TMEM135: variants seen among roughly 807,000 people sequenced by gnomAD.
The protein encoded by TMEM135 is peroxisomal membrane protein 52.
TMEM135 carries 30 observed loss-of-function variants against 60.3 expected under a neutral mutation model. The observed-to-expected ratio is 0.50, with a 90% CI of 0.37 to 0.68. The LOEUF (loss-of-function observed/expected upper bound fraction) is 0.68, where lower values mean the gene tolerates loss of function less well. TMEM135 is among the 30% of genes least tolerant of loss of function. The probability of loss-of-function intolerance (pLI) is 0.00; values close to 1 mark genes in which losing one functional copy is unlikely to be tolerated. For missense variants in TMEM135, 468 were observed against 548.8 expected, an observed-to-expected ratio of 0.85 and a Z score of 1.47; for synonymous variants, 190 against 186.7, an observed-to-expected ratio of 1.02 and a Z score of -0.14.
chr11:87,105,450 C>T (rs918167537), intron 4 of TMEM135, among the ~76,000 whole-genome samples: 5 of 152,070 alleles, frequency 3.3e-5, no homozygotes, highest in Admixed American at 1.3e-4. Flanking sequence ...GGACCCACCC[C>T]GCCCTGCATC....
At chr11:87,096,668 A>G (rs185631893) in intron 4 of TMEM135, 42 of 152,330 alleles carry the variant, frequency 2.8e-4, no homozygotes, top group Middle Eastern at 6.8e-3. Context: ...CCATTGGGAA[A>G]AAACCCTACA....
chr11:87,172,846 AG>A (rs1422636244), intron 5 of TMEM135, among the ~76,000 whole-genome samples: 1 of 151,932 alleles, frequency 6.6e-6, no homozygotes, highest in Admixed American at 6.6e-5. Context: ...TTTTTCATGA[AG>A]AATATTCGTG....
chr11:87,096,764 T>C (rs916251849), intron 4 of TMEM135, among the ~76,000 whole-genome samples: 1 of 152,220 alleles, frequency 6.6e-6, no homozygotes, highest in Non-Finnish European at 1.5e-5. Flanking sequence ...TAGGCTTTGA[T>C]AAGAGTCAGA....
chr11:87,162,520 C>T (rs935157786), intron 5 of TMEM135, among the ~76,000 whole-genome samples: 5 of 151,000 alleles, frequency 3.3e-5, no homozygotes, highest in Non-Finnish European at 7.4e-5. Context: ...TGGTTTCCAG[C>T]TTCATCTGTG....
At position 87,324,759 on chromosome 11, in the gene TMEM135, G is replaced by A; in HGVS notation, c.*3426G>A. ...TTTTTATTTGTATGAGTATTAAGTAGTTTGACACAGCAACAAAGTTGTCCT... is the reference window on the plus strand; with the variant it reads ...TTTTTATTTGTATGAGTATTAAGTAATTTGACACAGCAACAAAGTTGTCCT... On this transcript the variant is annotated 3_prime_UTR_variant, in exon 15 of 15. Transcript: ENST00000305494. 2.2e-6 allele frequency: 1 copy of A among 453,858 alleles called. No individual in the cohort carries two copies. Among genetic ancestry groups the A allele is most frequent in the Non-Finnish European group, 4.4e-6 (1 of 226,752 alleles). 28.1% of individuals were successfully genotyped at this position (453,858 alleles called of 1,614,324 possible).
intron 7 of TMEM135, among the ~76,000 whole-genome samples, chr11:87,299,758 C>T (rs576363331): frequency 6.6e-6 from 1 of 152,158 alleles, no homozygotes. Flanking sequence ...TAGGTTATCT[C>T]AGGAATATAT....
intron 11 of TMEM135, 92 bp downstream of exon 11, chr11:87,313,580 A>G (rs1942678065): frequency 9.1e-7 from 1 of 1,103,278 alleles, no homozygotes; most frequent in South Asian, 1.3e-5. Flanking sequence ...AATTTCTATG[A>G]ATCTTCCTTT....
intron 5 of TMEM135, among the ~76,000 whole-genome samples, chr11:87,232,402 T>C (rs1161585724): frequency 6.6e-6 from 1 of 152,108 alleles, no homozygotes; most frequent in Admixed American, 6.6e-5. Flanking sequence ...TCAAATTTAA[T>C]AGAAACTGTA....
intron 5 of TMEM135, among the ~76,000 whole-genome samples, chr11:87,159,597 A>G (rs76657713): frequency 1.4e-5 from 2 of 141,510 alleles, no homozygotes; most frequent in Non-Finnish European, 3.0e-5. Context: ...ACACGCGCAC[A>G]CACACACACA....
intron 4 of TMEM135, among the ~76,000 whole-genome samples, chr11:87,140,854 C>T (rs752793315): frequency 3.3e-5 from 5 of 152,028 alleles, no homozygotes; most frequent in South Asian, 2.1e-4. Context: ...TTGGAAATTC[C>T]GTTGTTTCAC....
Position 87,263,923 on chromosome 11 carries a change from G to A in TMEM135, c.509+27239G>A, listed in dbSNP as rs570665744. Among the ~76,000 whole-genome samples, 34 of 151,970 alleles carry A rather than the reference G, an allele frequency of 2.2e-4. 1 individual carries two copies. The highest frequency in any genetic ancestry group is 7.9e-4 in the African/African-American group (33 of 41,518). On this transcript the variant is annotated intron_variant, in intron 6 of 14. Transcript: ENST00000305494. ...TAGACCCAGTATTATTTTTGTACTC[G>A]TAAATACCACATTGTGATGGCAAGC...
intron 3 of TMEM135, 87 bp downstream of exon 3, chr11:87,071,702 G>A (rs147659277): frequency 3.9e-5 from 33 of 852,108 alleles, no homozygotes; most frequent in Middle Eastern, 4.7e-4. Flanking sequence ...ATCACTTACA[G>A]GGATGAGAAA....
chr11:87,131,746 T>C lies in TMEM135; in HGVS notation c.397-25595T>C, dbSNP rs540735753. ...TAAAATTAAAATAGAACATACCTCA[T>C]AGGGGAGGGGTCCCCAGCAATACTG... On this transcript the variant is annotated intron_variant, in intron 4 of 14. Coordinates refer to ENST00000305494, the MANE Select transcript of TMEM135 (RefSeq NM_022918.4). Among the ~76,000 whole-genome samples, 14 of 152,200 alleles carry C rather than the reference T, an allele frequency of 9.2e-5. No individual in the cohort carries two copies. The East Asian group carries it at 1.7e-3, about 19-fold the overall frequency.
At chr11:87,040,475 C>T (rs1038498108) in intron 1 of TMEM135, among the ~76,000 whole-genome samples, 6 of 152,112 alleles carry the variant, frequency 3.9e-5, no homozygotes, top group African/African-American at 7.2e-5. Context: ...CCAGCTTGAC[C>T]AACATGGTGA....
chr11:87,212,188 T>C (rs1940386731), intron 5 of TMEM135, among the ~76,000 whole-genome samples: 2 of 152,164 alleles, frequency 1.3e-5, no homozygotes, highest in African/African-American at 2.4e-5. Context: ...AAAGTTTTGT[T>C]TTTGAATTAA....
intron 8 of TMEM135, among the ~76,000 whole-genome samples, chr11:87,304,384 GA>G (rs1027184358): frequency 1.5e-4 from 23 of 150,228 alleles, no homozygotes; most frequent in Non-Finnish European, 3.0e-4. Flanking sequence ...CCATCACTTA[GA>G]AAAAAAAAGG....
chr11:87,159,531 A>G (rs1938802190), intron 5 of TMEM135, among the ~76,000 whole-genome samples: 1 of 151,966 alleles, frequency 6.6e-6, no homozygotes, highest in Non-Finnish European at 1.5e-5. Context: ...TAATTTAATG[A>G]TTTGATTTTT....
chr11:87,053,781 T>TTAAA (rs1338257339), intron 1 of TMEM135, among the ~76,000 whole-genome samples: 1 of 152,214 alleles, frequency 6.6e-6, no homozygotes, highest in African/African-American at 2.4e-5. Flanking sequence ...TAGTACTGTA[T>TTAAA]TAAAGACTTA....
At chr11:87,055,463 A>G (rs763985055) in intron 1 of TMEM135, among the ~76,000 whole-genome samples, 19 of 152,224 alleles carry the variant, frequency 1.2e-4, no homozygotes, top group Non-Finnish European at 2.6e-4. Context: ...GTTTTAAATT[A>G]TAGTAGTCAG....
Sources: gnomAD v4.1 joint callset for allele counts (sites outside exome capture counted in the v4.1 genomes callset) on GRCh38, gnomAD v4.1.1 for gene constraint, MANE v1.5 for transcripts, NCBI Gene and HGNC (gene_info 2026-07-23, HGNC 2026-07-21) for gene names.